The following NRIP3 variants were observed in gnomAD, a reference collection of about 807,000 sequenced individuals.
NRIP3 encodes nuclear receptor interacting protein 3, also known as nuclear receptor-interacting protein 3.
A neutral mutation model predicts 29.0 loss-of-function variants in NRIP3; 31 were observed. The ratio of observed to expected loss-of-function variants is 1.07; its 90% CI spans 0.80 to 1.44. The LOEUF (loss-of-function observed/expected upper bound fraction) is 1.44, where lower values mean the gene tolerates loss of function less well. Among genes scored for constraint, NRIP3 ranks in the 40% most tolerant of loss-of-function variants. The probability of loss-of-function intolerance (pLI) is 0.00; values close to 1 mark genes in which losing one functional copy is unlikely to be tolerated. For missense variants in NRIP3, 314 were observed against 297.9 expected (o/e 1.05, Z -0.40); for synonymous variants, 131 against 118.3 (o/e 1.11, Z -0.70).
chr11:9,000,662 G>A (rs996660924), intron 1 of NRIP3, among the ~76,000 whole-genome samples: 8 of 151,986 alleles, frequency 5.3e-5, no homozygotes, highest in Admixed American at 2.0e-4. Flanking sequence ...AAATTAAAAA[G>A]TCCTTAGCAC....
intron 1 of NRIP3, among the ~76,000 whole-genome samples, chr11:8,996,730 T>C (rs957077686): frequency 4.6e-5 from 7 of 152,236 alleles, no homozygotes; most frequent in African/African-American, 1.7e-4. Context: ...ATTGACATAT[T>C]GGCTTTCCAA....
intron 4 of NRIP3, 38 bp downstream of exon 4, chr11:8,985,673 C>T (rs373051823): frequency 2.8e-5 from 45 of 1,601,862 alleles, no homozygotes; most frequent in African/African-American, 1.3e-4. Flanking sequence ...AGAGGGTTTC[C>T]GTTAGGGTCC....
chr11:9,003,119 C>G (rs1409590872), intron 1 of NRIP3, among the ~76,000 whole-genome samples: 1 of 152,204 alleles, frequency 6.6e-6, no homozygotes, highest in South Asian at 2.1e-4. Flanking sequence ...ATGCAGCAGC[C>G]TGGCTTCCTC....
chr11:8,983,661 C>A, intron 6 of NRIP3, 101 bp from the exon 7 acceptor site: 1 of 1,124,884 alleles, frequency 8.9e-7, no homozygotes, highest in Non-Finnish European at 1.3e-6. Flanking sequence ...CATTTCCCTA[C>A]CACTCTGTGT....
At chr11:8,995,720 C>A (rs1854690004) in intron 1 of NRIP3, among the ~76,000 whole-genome samples, 1 of 152,194 alleles carries the variant, frequency 6.6e-6, no homozygotes, top group Non-Finnish European at 1.5e-5. Context: ...GTACTTTACT[C>A]AAAACCCTTC....
chr11:8,984,503 T>C (rs1236949216), intron 4 of NRIP3, among the ~76,000 whole-genome samples: 1 of 152,172 alleles, frequency 6.6e-6, no homozygotes, highest in African/African-American at 2.4e-5. Flanking sequence ...CCTCAGGAGA[T>C]CCACCCGCCT....
At chr11:9,003,414 G>A (rs1052524440) in intron 1 of NRIP3, among the ~76,000 whole-genome samples, 1 of 152,208 alleles carries the variant, frequency 6.6e-6, no homozygotes, top group African/African-American at 2.4e-5. Context: ...CAGCCACACA[G>A]CATAGGAGGC....
At chr11:8,998,562 GGTAAAGGT>G (rs1854746423) in intron 1 of NRIP3, among the ~76,000 whole-genome samples, 1 of 152,092 alleles carries the variant, frequency 6.6e-6, no homozygotes, top group Admixed American at 6.5e-5. Flanking sequence ...CAAAGGGAAT[GGTAAAGGT>G]GTAAATAGAT....
intron 3 of NRIP3, among the ~76,000 whole-genome samples, chr11:8,987,061 G>T (rs1465249184): frequency 6.6e-6 from 1 of 152,098 alleles, no homozygotes; most frequent in Non-Finnish European, 1.5e-5. Flanking sequence ...CCCTTATGAT[G>T]GCCCAGGCCC....
chr11:8,988,011 A>G (rs1854543561), intron 2 of NRIP3, 107 bp downstream of exon 2: 3 of 1,084,910 alleles, frequency 2.8e-6, no homozygotes, highest in African/African-American at 3.2e-5. Flanking sequence ...CCCCTTTTAA[A>G]ACTCACTTAT....
At chr11:8,991,243 T>C (rs957573070) in intron 1 of NRIP3, among the ~76,000 whole-genome samples, 10 of 150,586 alleles carry the variant, frequency 6.6e-5, no homozygotes, top group South Asian at 4.2e-4. Context: ...AGAGCTTGCA[T>C]TGAGCCGAGA....
At chr11:8,989,548 T>C (rs903158116) in intron 1 of NRIP3, among the ~76,000 whole-genome samples, 1 of 152,220 alleles carries the variant, frequency 6.6e-6, no homozygotes, top group Non-Finnish European at 1.5e-5. Context: ...TGACTCATTG[T>C]AACCCTAGTG....
Position 8,985,851 on chromosome 11 carries a change from C to G in NRIP3, c.423-1G>C, listed in dbSNP as rs1854513881. ...GTGGGATTTGACATGCTCCTTGAGT[C>G]TGTACCAAAGAGGAAGATACCAAAA... On this transcript the variant is annotated splice_acceptor_variant, in intron 3 of 6. Coordinates refer to ENST00000309166, the MANE Select transcript of NRIP3 (RefSeq NM_020645.3). LOFTEE classifies it high-confidence loss of function. The G allele has an allele frequency of 6.2e-7, 1 of 1,613,982 alleles. No individual in the cohort carries two copies. The highest frequency in any genetic ancestry group is 8.5e-7 in the Non-Finnish European group (1 of 1,179,950).
Position 8,988,099 on chromosome 11 carries a change from G to A in NRIP3, c.339+19C>T. On this transcript the variant is annotated intron_variant, in intron 2 of 6. Transcript: ENST00000309166. ...CTACTTTCCAGAAAACCCTGGAAAA[G>A]CTGTTCTCAGAACATTACCTGGCAA... The A allele has an allele frequency of 6.2e-7, 1 of 1,611,870 alleles. No homozygotes were observed. The highest frequency in any genetic ancestry group is 2.2e-5 in the East Asian group (1 of 44,846).
At position 9,003,988 on chromosome 11, in the gene NRIP3, C is replaced by G. The variant is rs937135012; in HGVS notation, c.-53G>C. On this transcript the variant is annotated 5_prime_UTR_variant, in exon 1 of 7. Transcript: ENST00000309166. ...CACAGCCCCCCGGCAGCCTCAGCCT[C>G]GAGCTCCTCCAGCGCCGCAAGGGCC... is the stretch of plus-strand genomic sequence containing the variant. 7.4e-5 allele frequency: 105 copies of G among 1,416,088 alleles called. No homozygotes were observed. The African/African-American group carries it at 1.4e-3, about 18-fold the overall frequency. The allele number at this position is 1,416,088 out of a possible 1,614,324, so 87.7% of individuals were successfully genotyped here. A position where few individuals can be genotyped will look rare whatever the true frequency, so the allele number is the denominator to read the frequency against.
At position 9,003,796 on chromosome 11, in the gene NRIP3, T is replaced by C; in HGVS notation, c.140A>G (p.Asp47Gly). The part of the protein sequence containing the change: ...HKDSADLLPL[D>G]GLKKLGSSKD... ...GGACGAGCCCAGCTTCTTGAGGCCG[T>C]CCAGGGGCAGCAGGTCGGCGGAGTC... The change falls in exon 1 of 7, where the codon GAC (aspartate) becomes GGC (glycine). Residue 47 changes from aspartate (D) to glycine (G), a missense_variant. Asp to Gly is a moderately conservative substitution (Grantham distance 94). Transcript: ENST00000309166. The C allele has an allele frequency of 6.6e-7, 1 of 1,505,602 alleles. No homozygotes were observed. The highest frequency in any genetic ancestry group is 2.9e-5 in the East Asian group (1 of 34,772). 93.3% of individuals were successfully genotyped at this position (1,505,602 alleles called of 1,614,324 possible).
In NRIP3 at chr11:9,003,958, T is replaced by TAGCCCACAGCCCCCCGGC. The variant is rs1246573443; in HGVS notation, c.-41_-24dup. On this transcript the variant is annotated 5_prime_UTR_variant, in exon 1 of 7. Transcript: ENST00000309166. Reference sequence around the variant, plus strand: ...CATCGCTGAGGCGCCGGCGGCCCGGTAGCCCACAGCCCCCCGGCAGCCTCA... The same window carrying TAGCCCACAGCCCCCCGGC: ...CATCGCTGAGGCGCCGGCGGCCCGGTAGCCCACAGCCCCCCGGCAGCCCACAGCCCCCCGGCAGCCTCA... 2.7e-6 allele frequency: 4 copies of TAGCCCACAGCCCCCCGGC among 1,477,752 alleles called. No individual in the cohort carries two copies. Among genetic ancestry groups the TAGCCCACAGCCCCCCGGC allele is most frequent in the Non-Finnish European group, 3.6e-6 (4 of 1,109,794 alleles). 91.5% of individuals were successfully genotyped at this position (1,477,752 alleles called of 1,614,324 possible).
rs1420295767 is a variant in NRIP3, at chr11:8,982,072, C to G, written c.*1473G>C. 1 of 152,216 alleles carries G rather than the reference C, an allele frequency of 6.6e-6. No individual in the cohort carries two copies. The highest frequency in any genetic ancestry group is 2.4e-5 in the African/African-American group (1 of 41,452). The allele number at this position is 152,216 out of a possible 1,614,324, so 9.4% of individuals were successfully genotyped here. A position where few individuals can be genotyped will look rare whatever the true frequency, so the allele number is the denominator to read the frequency against. On this transcript the variant is annotated 3_prime_UTR_variant, in exon 7 of 7. Coordinates refer to ENST00000309166, the MANE Select transcript of NRIP3 (RefSeq NM_020645.3). ...AACTACTGCTATGACACAGGGTAGA[C>G]TTGGGAATATCTTAAAGGGATACCC... is the stretch of plus-strand genomic sequence containing the variant.
intron 1 of NRIP3, among the ~76,000 whole-genome samples, chr11:8,991,751 C>T (rs1394862180): frequency 1.3e-5 from 2 of 152,220 alleles, no homozygotes; most frequent in African/African-American, 4.8e-5. Flanking sequence ...AAATTCTCCT[C>T]TTCCTCATGA....
Sources: allele counts gnomAD v4.1 joint callset (sites outside exome capture counted in the v4.1 genomes callset), GRCh38; gene constraint gnomAD v4.1.1; transcripts MANE v1.5; gene names NCBI Gene and HGNC (gene_info 2026-07-23, HGNC 2026-07-21).